Variants in NLRP8 observed in about 807,000 individuals in gnomAD.
NLRP8 encodes NACHT, LRR and PYD domains-containing protein 8.
Under a neutral mutation model 88.7 loss-of-function variants are expected in NLRP8, and 86 were observed. The ratio of observed to expected loss-of-function variants is 0.97; its 90% CI spans 0.81 to 1.16. NLRP8 has a LOEUF of 1.16. NLRP8 is among the 50% of genes most tolerant of loss of function. The pLI, the probability that NLRP8 is intolerant of heterozygous loss-of-function variation, is 0.00. For synonymous variants in NLRP8, 504 were observed against 494.6 expected (o/e 1.02, Z -0.25); for missense variants, 1,342 against 1,286.5 (o/e 1.04, Z -0.66).
At chr19:55,981,584 A>G (rs985470443) in intron 9 of NLRP8, among the ~76,000 whole-genome samples, 1 of 152,232 alleles carries the variant, frequency 6.6e-6, no homozygotes, top group Non-Finnish European at 1.5e-5. Context: ...ATTTACCAAT[A>G]GACTGGTCCA....
intron 3 of NLRP8, among the ~76,000 whole-genome samples, chr19:55,960,353 A>G (rs1182478220): frequency 3.3e-5 from 5 of 152,028 alleles, no homozygotes; most frequent in African/African-American, 1.2e-4. Flanking sequence ...TCTACTCCCA[A>G]CTTATGTGGG....
intron 9 of NLRP8, among the ~76,000 whole-genome samples, chr19:55,983,126 A>C (rs1440055517): frequency 6.6e-6 from 1 of 152,162 alleles, no homozygotes; most frequent in Non-Finnish European, 1.5e-5. Flanking sequence ...ACAGATACAC[A>C]GCAAAGGAGA....
chr19:55,956,195 C>G (rs1226139429), intron 3 of NLRP8, 95 bp downstream of exon 3: 1 of 1,260,190 alleles, frequency 7.9e-7, no homozygotes, highest in Non-Finnish European at 1.1e-6. Context: ...GCAAACCTTT[C>G]TGATCTCTTT....
At position 55,948,251 on chromosome 19, in the gene NLRP8, G is replaced by C; in HGVS notation, c.349G>C (p.Val117Leu). ...GAACTGTGATAAAATGTGTGTTGTA[G>C]TCCGCAGAGAGATAAATGGTGAGTG... Residue 117 changes from valine (V) to leucine (L), a missense_variant, in exon 1 of 10, where the codon GTC becomes CTC. Val to Leu is a conservative substitution (Grantham distance 32). Transcript: ENST00000291971. 6.2e-7 allele frequency: 1 copy of C among 1,613,042 alleles called. No homozygotes were observed. Among genetic ancestry groups the C allele is most frequent in the Non-Finnish European group, 8.5e-7 (1 of 1,179,118 alleles).
At chr19:55,976,029 C>A (rs1916097285) in intron 7 of NLRP8, 104 bp from the exon 8 acceptor site, 79 of 1,139,734 alleles carry the variant, frequency 6.9e-5, no homozygotes, top group South Asian at 2.6e-4. Flanking sequence ...AAAACAGAAC[C>A]CAAAAACAAA....
Position 55,972,414 on chromosome 19 carries a change from C to CT in NLRP8, c.2535-1227dup, listed in dbSNP as rs35559046. ...ACAGATGTGAGCCACTGCACCTAGT[C>CT]TTTTTTTTTTTCAGGTTTTAATTTT... On this transcript the variant is annotated intron_variant, in intron 6 of 9. Transcript: ENST00000291971. 2.4e-3 allele frequency among the ~76,000 whole-genome samples: 355 copies of CT among 147,974 alleles called. 1 individual carries two copies. Among genetic ancestry groups the CT allele is most frequent in the African/African-American group, 7.3e-3 (294 of 40,064 alleles).
At chr19:55,982,443 G>A (rs562983355) in intron 9 of NLRP8, among the ~76,000 whole-genome samples, 1 of 152,146 alleles carries the variant, frequency 6.6e-6, no homozygotes, top group Non-Finnish European at 1.5e-5. Flanking sequence ...GCACAATGGA[G>A]TACTATTCAG....
chr19:55,964,317 C>T (rs80258218), intron 4 of NLRP8, among the ~76,000 whole-genome samples: 5,681 of 152,282 alleles, frequency 0.037, 154 homozygotes, highest in South Asian at 0.1. Flanking sequence ...CGTATGCTCT[C>T]CCTTGTAGAC....
At chr19:55,977,857 G>T (rs1600315778) in intron 8 of NLRP8, among the ~76,000 whole-genome samples, 1 of 152,040 alleles carries the variant, frequency 6.6e-6, no homozygotes, top group Middle Eastern at 3.4e-3. Context: ...TTGGATAATG[G>T]TGTTCATTTT....
At chr19:55,977,350 ATAT>A (rs1396010803) in intron 8 of NLRP8, among the ~76,000 whole-genome samples, 1 of 145,172 alleles carries the variant, frequency 6.9e-6, no homozygotes, top group African/African-American at 2.5e-5. Flanking sequence ...TATAAGCAAT[ATAT>A]TATTTATATA....
At chr19:55,982,767 C>T (rs1292625383) in intron 9 of NLRP8, among the ~76,000 whole-genome samples, 1 of 152,136 alleles carries the variant, frequency 6.6e-6, no homozygotes, top group African/African-American at 2.4e-5. Context: ...CATAGGGAGT[C>T]CCCATCTACA....
chr19:55,975,544 C>G (rs775141019), intron 7 of NLRP8, among the ~76,000 whole-genome samples: 7 of 152,104 alleles, frequency 4.6e-5, no homozygotes, highest in Non-Finnish European at 1.0e-4. Context: ...GTGTCTGTGC[C>G]CTGATGACGG....
intron 3 of NLRP8, among the ~76,000 whole-genome samples, chr19:55,957,675 ATATATATATATAT>A (rs1979426141): frequency 1.6e-4 from 17 of 105,572 alleles, no homozygotes; most frequent in African/African-American, 6.9e-4. Context: ...AATAATAATT[ATATATATATATAT>A]ATATATATAT....
In NLRP8 at chr19:55,966,778, T is replaced by C. The variant is rs76238250; in HGVS notation, c.2381+398T>C. Among the ~76,000 whole-genome samples the C allele has an allele frequency of 7.4e-3, 1,134 of 152,228 alleles. 16 individuals carry two copies. Among genetic ancestry groups the C allele is most frequent in the African/African-American group, 0.022 (895 of 41,532 alleles). ...TTGCAGCAAGCCAAGATCGTGCCAT[T>C]GCACTCCAGCCTGAGCGACAGAGGG... On this transcript the variant is annotated intron_variant, in intron 5 of 9. Coordinates refer to ENST00000291971, the MANE Select transcript of NLRP8 (RefSeq NM_176811.2).
At chr19:55,985,991 T>G (rs1600321913) in intron 9 of NLRP8, among the ~76,000 whole-genome samples, 1 of 151,844 alleles carries the variant, frequency 6.6e-6, no homozygotes. Context: ...AGAGCAAGAC[T>G]CCACATCAAA....
intron 1 of NLRP8, among the ~76,000 whole-genome samples, chr19:55,950,481 A>T (rs1014855910): frequency 6.6e-6 from 1 of 152,022 alleles, no homozygotes; most frequent in Non-Finnish European, 1.5e-5. Context: ...CTCATTGTTC[A>T]TGGATTCTGT....
intron 3 of NLRP8, among the ~76,000 whole-genome samples, chr19:55,957,673 T>TTATATA (rs10523999): frequency 3.5e-4 from 11 of 31,190 alleles, no homozygotes; most frequent in African/African-American, 4.8e-4. Context: ...AAAATAATAA[T>TTATATA]TATATATATA....
intron 3 of NLRP8, among the ~76,000 whole-genome samples, chr19:55,958,579 A>G (rs1979474458): frequency 6.6e-6 from 1 of 152,156 alleles, no homozygotes. Flanking sequence ...ATTGTCTGTG[A>G]CTGTTAACCA....
Position 55,948,116 on chromosome 19 carries a change from A to G in NLRP8, c.214A>G (p.Thr72Ala). 1.2e-6 allele frequency: 2 copies of G among 1,614,114 alleles called. No homozygotes were observed. The highest frequency in any genetic ancestry group is 1.7e-6 in the Non-Finnish European group (2 of 1,180,024). ...GCTCAGTACTGGCACCATGCCCATC[A>G]CCTGGGACCAGGTCGAGACAGCCAG... Residue 72 changes from threonine (T) to alanine (A), a missense_variant, in exon 1 of 10, where the codon ACC becomes GCC. Transcript: ENST00000291971.
Sources: gnomAD v4.1 joint callset for allele counts (sites outside exome capture counted in the v4.1 genomes callset) on GRCh38, gnomAD v4.1.1 for gene constraint, MANE v1.5 for transcripts, NCBI Gene and HGNC (gene_info 2026-07-23, HGNC 2026-07-21) for gene names.